Variants in MGST1 observed in about 807,000 individuals in gnomAD.
MGST1 encodes glutathione S-transferase 12.
MGST1 carries 5 observed loss-of-function variants against 8.9 expected under a neutral mutation model. The observed-to-expected ratio is 0.56, with a 90% CI of 0.29 to 1.19. MGST1 has a LOEUF of 1.19. Among genes scored for constraint, MGST1 ranks in the 50% most tolerant of loss-of-function variants. MGST1 has a pLI of 0.08. For missense variants in MGST1, 182 were observed against 187.4 expected, an observed-to-expected ratio of 0.97 and a Z score of 0.17; for synonymous variants, 54 against 67.8, an observed-to-expected ratio of 0.80 and a Z score of 1.00.
chr12:16,415,334 C>T (rs117016396), intron 1 of MGST1, among the ~76,000 whole-genome samples: 2 of 152,152 alleles, frequency 1.3e-5, no homozygotes, highest in African/African-American at 4.8e-5. Flanking sequence ...CTGAGAACCT[C>T]CTCTTATTTA....
At chr12:16,542,633 C>T (rs545608351) in intron 4 of MGST1, among the ~76,000 whole-genome samples, 2 of 152,226 alleles carry the variant, frequency 1.3e-5, no homozygotes, top group Admixed American at 6.5e-5. Flanking sequence ...TGCTATTTCC[C>T]ATTCTTTTCA....
chr12:16,411,630 C>A (rs1940743946), intron 1 of MGST1, among the ~76,000 whole-genome samples: 2 of 152,048 alleles, frequency 1.3e-5, no homozygotes, highest in Non-Finnish European at 2.9e-5. Flanking sequence ...GGCTTCAGAT[C>A]CTGTAAATCC....
chr12:16,447,727 A>G (rs1165213285), intron 4 of MGST1, among the ~76,000 whole-genome samples: 8 of 151,940 alleles, frequency 5.3e-5, no homozygotes, highest in Admixed American at 3.3e-4. Context: ...CACAGCTCAG[A>G]TATTCAAGGT....
chr12:16,400,724 T>C lies in MGST1; in HGVS notation n.778+17120T>C. The C allele has an allele frequency of 3.7e-5, 49 of 1,330,710 alleles. 1 individual carries two copies. In the South Asian group the frequency reaches 5.8e-4, roughly 16 times the overall value. The allele number at this position is 1,330,710 out of a possible 1,614,324, so 82.4% of individuals were successfully genotyped here. The stretch of plus-strand genomic sequence containing the variant: ...TGGGCAATAAAAGTTGATTTGCAAG[T>C]AAGTATAATCTCCTTCCACGGACAT... On this transcript the variant is annotated intron_variant and non_coding_transcript_variant, in intron 1 of 1. Coordinates refer to the MGST1 transcript ENST00000359720.
intron 3 of MGST1, among the ~76,000 whole-genome samples, chr12:16,373,513 G>A (rs1054122531): frequency 4.0e-5 from 6 of 151,706 alleles, no homozygotes; most frequent in Non-Finnish European, 7.4e-5. Flanking sequence ...TATGTATCCC[G>A]TGTGATAACT....
chr12:16,449,333 T>A (rs1941110268), intron 4 of MGST1, among the ~76,000 whole-genome samples: 1 of 151,648 alleles, frequency 6.6e-6, no homozygotes, highest in Admixed American at 6.6e-5. Flanking sequence ...TGATCTCGAG[T>A]AAACCCACTC....
intron 4 of MGST1, among the ~76,000 whole-genome samples, chr12:16,557,367 A>T (rs75496935): frequency 1.4e-5 from 2 of 142,724 alleles, no homozygotes; most frequent in African/African-American, 2.6e-5. Context: ...GGTGGCAAGG[A>T]TTTTTTTTTT....
intron 4 of MGST1, among the ~76,000 whole-genome samples, chr12:16,476,606 G>C (rs1171728506): frequency 6.6e-6 from 1 of 152,112 alleles, no homozygotes; most frequent in African/African-American, 2.4e-5. Flanking sequence ...CATCGTCATA[G>C]TTGGTTAAAC....
downstream of MGST1, among the ~76,000 whole-genome samples, chr12:16,592,090 A>G (rs1360742839): frequency 1.3e-5 from 2 of 152,106 alleles, no homozygotes; most frequent in Non-Finnish European, 2.9e-5. Flanking sequence ...CACAAAAGAA[A>G]GTATGTATAA....
Position 16,530,168 on chromosome 12 carries a change from TA to T in MGST1, n.483-59355del, listed in dbSNP as rs1350867114. On this transcript the variant is annotated intron_variant and non_coding_transcript_variant, in intron 4 of 4. Transcript: ENST00000538857. The stretch of plus-strand genomic sequence containing the variant: ...AAAAAGAAATCATATAAAACGTTAA[TA>T]AAAATGATGTTTTTATACTTCATCT... Among the ~76,000 whole-genome samples the T allele has an allele frequency of 1.1e-4, 17 of 152,170 alleles. No homozygotes were observed. The East Asian group carries it at 1.7e-3, about 16-fold the overall frequency.
intron 4 of MGST1, among the ~76,000 whole-genome samples, chr12:16,493,824 T>C (rs974544259): frequency 1.3e-4 from 20 of 152,174 alleles, no homozygotes; most frequent in African/African-American, 4.8e-4. Context: ...ATTGTGGAGA[T>C]ATGGATAGGA....
intron 4 of MGST1, among the ~76,000 whole-genome samples, chr12:16,468,296 TA>T (rs1941267552): frequency 6.6e-6 from 1 of 152,260 alleles, no homozygotes; most frequent in Non-Finnish European, 1.5e-5. Flanking sequence ...CATATCTGTA[TA>T]TACATATGCA....
chr12:16,353,909 G>A (rs565895941), intron 1 of MGST1, among the ~76,000 whole-genome samples: 3 of 151,956 alleles, frequency 2.0e-5, no homozygotes, highest in South Asian at 2.1e-4. Flanking sequence ...GCAGGCACAC[G>A]CCACTGCGTC....
chr12:16,499,834 C>T (rs1487683647), intron 4 of MGST1, among the ~76,000 whole-genome samples: 3 of 152,246 alleles, frequency 2.0e-5, no homozygotes, highest in Non-Finnish European at 2.9e-5. Context: ...ACTACGAACA[C>T]GATAGCACTG....
Position 16,475,271 on chromosome 12 carries a change from A to C in MGST1, n.482+91667A>C, listed in dbSNP as rs183254242. Among the ~76,000 whole-genome samples the C allele has an allele frequency of 3.8e-3, 572 of 152,314 alleles. 4 individuals are homozygous for C. Among genetic ancestry groups the C allele is most frequent in the African/African-American group, 0.013 (536 of 41,572 alleles). ...AAGTACTGTACTCTTTTTTTAATGA[A>C]CAGTGAAAAGAAAGAGTAAGAGAAT... On this transcript the variant is annotated intron_variant and non_coding_transcript_variant, in intron 4 of 4. Coordinates refer to the MGST1 transcript ENST00000538857.
At chr12:16,499,017 C>T (rs1284950329) in intron 4 of MGST1, among the ~76,000 whole-genome samples, 1 of 152,132 alleles carries the variant, frequency 6.6e-6, no homozygotes, top group Non-Finnish European at 1.5e-5. Context: ...TAAATATCCT[C>T]TTAAAATTTG....
intron 4 of MGST1, among the ~76,000 whole-genome samples, chr12:16,556,219 T>C (rs912295937): frequency 2.0e-5 from 3 of 152,252 alleles, no homozygotes; most frequent in Non-Finnish European, 4.4e-5. Flanking sequence ...TATTGTGTTT[T>C]CTAAGGAGAA....
At chr12:16,532,081 A>C (rs887964604) in intron 4 of MGST1, among the ~76,000 whole-genome samples, 1 of 152,174 alleles carries the variant, frequency 6.6e-6, no homozygotes, top group Admixed American at 6.5e-5. Context: ...AGGAAACAGA[A>C]GTTCAAGGGC....
intron 4 of MGST1, among the ~76,000 whole-genome samples, chr12:16,450,471 T>C (rs1941120084): frequency 6.6e-6 from 1 of 151,922 alleles, no homozygotes; most frequent in Non-Finnish European, 1.5e-5. Flanking sequence ...GTCCTAGGGC[T>C]AGAAATCACT....
Sources: gnomAD v4.1 joint callset for allele counts (sites outside exome capture counted in the v4.1 genomes callset) on GRCh38, gnomAD v4.1.1 for gene constraint, MANE v1.5 for transcripts, NCBI Gene and HGNC (gene_info 2026-07-23, HGNC 2026-07-21) for gene names.